GLOD4: variants seen among roughly 807,000 people sequenced by gnomAD.
The protein encoded by GLOD4 is glyoxalase domain containing 4.
In GLOD4, 44 loss-of-function variants were observed where a neutral mutation model predicts 39.1. That is an observed-to-expected ratio of 1.13 (90% CI 0.88 to 1.45). The LOEUF is 1.45. GLOD4 is among the 40% of genes most tolerant of loss of function. The probability of loss-of-function intolerance (pLI) is 0.00; values close to 1 mark genes in which losing one functional copy is unlikely to be tolerated. For synonymous variants in GLOD4, 145 were observed against 135.0 expected, an observed-to-expected ratio of 1.07 and a Z score of -0.52; for missense variants, 405 against 366.4, an observed-to-expected ratio of 1.11 and a Z score of -0.86.
chr17:771,444 TTACTTTTAA>T lies in GLOD4; in HGVS notation c.415_423del (p.Leu139_Val141del). On this transcript the variant is annotated inframe_deletion, in exon 5 of 9. Transcript: ENST00000301329. ...TTTTGAAGATCAGACACTGCTAGAG[TTACTTTTAA>T]TACAGGATCTGTTGGGTAATAAAGC... 1.3e-6 allele frequency: 2 copies of T among 1,567,796 alleles called. No homozygotes were observed. The highest frequency in any genetic ancestry group is 1.1e-5 in the South Asian group (1 of 87,026).
At chr17:760,324 C>A in intron 8 of GLOD4, 86 bp from the exon 9 acceptor site, 27 of 684,258 alleles carry the variant, frequency 3.9e-5, no homozygotes, top group African/African-American at 7.3e-5. Context: ...GTACTGACCA[C>A]AATAAAAAAA....
intron 8 of GLOD4, chr17:763,994 C>T (rs75197706): frequency 0.014 from 2,204 of 152,238 alleles, 34 homozygotes; most frequent in East Asian, 0.061. Flanking sequence ...GTAAGAGTCA[C>T]GTAAGGCTCT....
At chr17:767,048 G>A (rs1360995895) in intron 8 of GLOD4, among the ~76,000 whole-genome samples, 2 of 152,156 alleles carry the variant, frequency 1.3e-5, no homozygotes, top group Non-Finnish European at 2.9e-5. Flanking sequence ...CTGCTTTAAC[G>A]TTAATTGTGC....
At chr17:768,048 G>A (rs1907019427) in intron 8 of GLOD4, among the ~76,000 whole-genome samples, 2 of 150,234 alleles carry the variant, frequency 1.3e-5, no homozygotes, top group Non-Finnish European at 2.9e-5. Flanking sequence ...AATCTGGAGA[G>A]GACGTGAGAG....
At chr17:777,804 T>TA (rs1258424318) in intron 2 of GLOD4, 5 of 152,258 alleles carry the variant, frequency 3.3e-5, no homozygotes, top group Admixed American at 3.3e-4. Flanking sequence ...GTTATATTCA[T>TA]AATGAGCCCC....
At chr17:778,414 C>A in intron 2 of GLOD4, 1 of 528,442 alleles carries the variant, frequency 1.9e-6, no homozygotes, top group Non-Finnish European at 3.3e-6. Flanking sequence ...CTGGAGAATC[C>A]CTTTGTGTCC....
chr17:770,483 T>G lies in GLOD4; in HGVS notation c.568A>C (p.Lys190Gln), dbSNP rs1216421912. The G allele has an allele frequency of 6.3e-7, 1 of 1,582,630 alleles. No homozygotes were observed. The highest frequency in any genetic ancestry group is 1.1e-5 in the South Asian group (1 of 90,500). The change falls in exon 6 of 9, where the codon AAG becomes CAG. Residue 190 changes from lysine to glutamine, a missense_variant. Transcript: ENST00000301329. ...NQCKLELQGV[K>Q]GGVDHAAAFG... ...GCTGCTGCATGGTCCACCCCACCCT[T>G]GACGCCCTGTAGCTCCAGCTTACAC...
At position 775,821 on chromosome 17, in the gene GLOD4, C is replaced by T. The variant is rs1485679528; in HGVS notation, c.360G>A (p.Pro120=). The T allele has an allele frequency of 6.8e-6, 11 of 1,613,986 alleles. No individual in the cohort carries two copies. Among genetic ancestry groups the T allele is most frequent in the East Asian group, 2.2e-5 (1 of 44,876 alleles). Residue 120 remains proline, a synonymous_variant, in exon 4 of 9, where the codon CCG becomes CCA. Coordinates refer to ENST00000301329, the MANE Select transcript of GLOD4 (RefSeq NM_016080.4). Reference sequence around the variant, plus strand: ...TCTGCAAATAGAACTTATATCCTCCCGGGGCCTCGGTTTCAAAAACACCTT... The same window carrying T: ...TCTGCAAATAGAACTTATATCCTCCTGGGGCCTCGGTTTCAAAAACACCTT... The part of the protein sequence containing the change: ...VAEGVFETEA[P]GGYKFYLQNR...
At position 770,403 on chromosome 17, in the gene GLOD4, T is replaced by C; in HGVS notation, c.630+18A>G. The C allele has an allele frequency of 1.5e-6, 2 of 1,291,624 alleles. No homozygotes were observed. The highest frequency in any genetic ancestry group is 2.3e-6 in the Non-Finnish European group (2 of 884,900). 80.0% of individuals were successfully genotyped at this position (1,291,624 alleles called of 1,614,324 possible). Reference sequence around the variant, plus strand: ...CTAGCTAGTCAGAAAGCTCAAACGATCTGGTATCAAGCGTTACCTCTTTCT... The same window carrying C: ...CTAGCTAGTCAGAAAGCTCAAACGACCTGGTATCAAGCGTTACCTCTTTCT... On this transcript the variant is annotated intron_variant, in intron 6 of 8. Transcript: ENST00000301329.
intron 1 of GLOD4, among the ~76,000 whole-genome samples, chr17:780,168 T>A (rs1226702815): frequency 2.0e-5 from 3 of 151,242 alleles, no homozygotes; most frequent in African/African-American, 7.3e-5. Flanking sequence ...CGTCTCAACA[T>A]AAAAAAAATA....
chr17:774,449 A>C (rs1908544303), intron 4 of GLOD4, among the ~76,000 whole-genome samples: 1 of 152,184 alleles, frequency 6.6e-6, no homozygotes, highest in South Asian at 2.1e-4. Context: ...GTTTTGTCAG[A>C]GCAGGTAGCT....
At position 763,376 on chromosome 17, in the gene GLOD4, CGG is replaced by C. The variant is rs1246394318; in HGVS notation, c.832-3140_832-3139del. Among the ~76,000 whole-genome samples, 156 of 150,676 alleles carry C rather than the reference CGG, an allele frequency of 1.0e-3. 2 individuals carry two copies. The highest frequency in any genetic ancestry group is 3.7e-3 in the African/African-American group (153 of 41,034). The stretch of plus-strand genomic sequence containing the variant: ...TACAAAAATTAGCTGGACATGGTGG[CGG>C]GTGCCTGTAATCCCAGCTACTCGGG... On this transcript the variant is annotated intron_variant, in intron 8 of 8. Transcript: ENST00000301329.
Sources: allele counts gnomAD v4.1 joint callset (sites outside exome capture counted in the v4.1 genomes callset), GRCh38; gene constraint gnomAD v4.1.1; transcripts MANE v1.5; gene names NCBI Gene and HGNC (gene_info 2026-07-23, HGNC 2026-07-21).